The following FSTL5 variants were observed in gnomAD, a reference collection of about 807,000 sequenced individuals.
FSTL5 encodes follistatin like 5, also known as follistatin-related protein 5.
A neutral mutation model predicts 89.1 loss-of-function variants in FSTL5; 62 were observed. The ratio of observed to expected loss-of-function variants is 0.70; its 90% CI spans 0.57 to 0.86. FSTL5 has a LOEUF of 0.86. Among genes scored for constraint, FSTL5 ranks in the 40% least tolerant of loss-of-function variants. The pLI, the probability that FSTL5 is intolerant of heterozygous loss-of-function variation, is 0.00. For missense variants in FSTL5, 1,057 were observed against 1,001.6 expected (o/e 1.06, Z -0.75); for synonymous variants, 383 against 346.2 (o/e 1.11, Z -1.18).
At chr4:162,050,489 C>A (rs193302360) in intron 2 of FSTL5, among the ~76,000 whole-genome samples, 70 of 149,728 alleles carry the variant, frequency 4.7e-4, no homozygotes, top group Non-Finnish European at 3.1e-4. Flanking sequence ...TGAACTATTT[C>A]TATTTAAATA....
chr4:161,766,111 T>A (rs554603096), intron 5 of FSTL5, among the ~76,000 whole-genome samples: 1 of 152,306 alleles, frequency 6.6e-6, no homozygotes, highest in African/African-American at 2.4e-5. Flanking sequence ...GCATTTTTAA[T>A]GTAAATCAGT....
intron 7 of FSTL5, among the ~76,000 whole-genome samples, chr4:161,643,056 A>T (rs1487788281): frequency 6.6e-6 from 1 of 152,192 alleles, no homozygotes; most frequent in African/African-American, 2.4e-5. Flanking sequence ...TCTTGTTCTA[A>T]ATACATGAGT....
At chr4:161,921,145 A>T (rs930350419) in intron 3 of FSTL5, among the ~76,000 whole-genome samples, 2 of 152,160 alleles carry the variant, frequency 1.3e-5, no homozygotes, top group African/African-American at 4.8e-5. Context: ...CAGTAACAGA[A>T]TTGTAGATAG....
At chr4:161,503,579 C>T (rs1193292602) in intron 11 of FSTL5, among the ~76,000 whole-genome samples, 1 of 151,944 alleles carries the variant, frequency 6.6e-6, no homozygotes. Flanking sequence ...TACATTATAA[C>T]ATTTGCCTTG....
chr4:162,087,139 G>A (rs927093524), intron 2 of FSTL5, among the ~76,000 whole-genome samples: 42 of 152,116 alleles, frequency 2.8e-4, no homozygotes, highest in East Asian at 1.5e-3. Flanking sequence ...TCACCAACAC[G>A]ACTACCTTAT....
chr4:162,052,213 A>G (rs186002058), intron 2 of FSTL5, among the ~76,000 whole-genome samples: 2 of 151,688 alleles, frequency 1.3e-5, no homozygotes, highest in Non-Finnish European at 3.0e-5. Context: ...AAAACACAAA[A>G]TGCCAAAATA....
In FSTL5 at chr4:162,129,197, T is replaced by C. The variant is rs367694981; in HGVS notation, c.-16-17785A>G. On this transcript the variant is annotated intron_variant, in intron 1 of 15. Transcript: ENST00000306100. ...ATGCACCCGCCTTGGCCTTCCAAAG[T>C]GCTGGGATTACAGGTGTGAACGACG... Among the ~76,000 whole-genome samples, 405 of 152,328 alleles carry C rather than the reference T, an allele frequency of 2.7e-3. 2 individuals carry two copies. Among genetic ancestry groups the C allele is most frequent in the African/African-American group, 9.2e-3 (384 of 41,574 alleles).
At chr4:161,607,696 G>A (rs1418034352) in intron 7 of FSTL5, among the ~76,000 whole-genome samples, 1 of 152,122 alleles carries the variant, frequency 6.6e-6, no homozygotes, top group East Asian at 1.9e-4. Flanking sequence ...TTGAGAACCT[G>A]AATAAAGCAA....
chr4:161,501,668 T>C (rs892794979), intron 11 of FSTL5, among the ~76,000 whole-genome samples: 2 of 151,936 alleles, frequency 1.3e-5, no homozygotes, highest in South Asian at 2.1e-4. Context: ...CAGAGAGCAA[T>C]GCATAAAGAC....
intron 5 of FSTL5, among the ~76,000 whole-genome samples, chr4:161,773,852 A>G (rs2126802305): frequency 6.6e-6 from 1 of 152,328 alleles, no homozygotes; most frequent in East Asian, 1.9e-4. Flanking sequence ...TCTACCAAGA[A>G]GAAAACAAGT....
intron 2 of FSTL5, among the ~76,000 whole-genome samples, chr4:162,039,130 G>C (rs1389448006): frequency 6.6e-6 from 1 of 151,720 alleles, no homozygotes; most frequent in Non-Finnish European, 1.5e-5. Context: ...AATTGAGTTG[G>C]TCTCCTAAAG....
intron 1 of FSTL5, among the ~76,000 whole-genome samples, chr4:162,141,505 C>G (rs1485271345): frequency 1.3e-5 from 2 of 152,118 alleles, no homozygotes; most frequent in East Asian, 3.9e-4. Flanking sequence ...TTAGATAACT[C>G]CCAGAAGCAG....
At chr4:162,009,424 C>A (rs910353361) in intron 3 of FSTL5, among the ~76,000 whole-genome samples, 3 of 151,990 alleles carry the variant, frequency 2.0e-5, no homozygotes, top group African/African-American at 7.2e-5. Context: ...TGAAACATGG[C>A]AGTTCCATGA....
At chr4:161,423,572 T>TA (rs1026916580) in intron 15 of FSTL5, among the ~76,000 whole-genome samples, 131 of 152,282 alleles carry the variant, frequency 8.6e-4, no homozygotes, top group African/African-American at 3.1e-3. Context: ...TTTCTTTTTT[T>TA]AAAGTTAATT....
At chr4:161,761,312 T>C (rs1169814000) in intron 5 of FSTL5, among the ~76,000 whole-genome samples, 1 of 152,196 alleles carries the variant, frequency 6.6e-6, no homozygotes, top group Non-Finnish European at 1.5e-5. Context: ...CTCTCAGTCA[T>C]TCTCCATTTG....
chr4:161,595,413 G>A (rs1218660694), intron 7 of FSTL5, among the ~76,000 whole-genome samples: 3 of 151,972 alleles, frequency 2.0e-5, no homozygotes, highest in Non-Finnish European at 2.9e-5. Context: ...ATCTTTATGA[G>A]CCTCTACACC....
chr4:161,665,619 G>A (rs1022474559), intron 6 of FSTL5, among the ~76,000 whole-genome samples: 22 of 152,078 alleles, frequency 1.4e-4, no homozygotes, highest in African/African-American at 4.8e-4. Flanking sequence ...GATTTCATCA[G>A]CAAAAGTAGA....
chr4:161,827,264 G>T (rs1009624591), intron 4 of FSTL5, among the ~76,000 whole-genome samples: 1 of 152,206 alleles, frequency 6.6e-6, no homozygotes, highest in Non-Finnish European at 1.5e-5. Context: ...GCTTGGGAGT[G>T]GTTCTAGGGA....
intron 6 of FSTL5, among the ~76,000 whole-genome samples, chr4:161,719,202 A>G (rs1429572370): frequency 6.6e-6 from 1 of 152,102 alleles, no homozygotes; most frequent in East Asian, 1.9e-4. Context: ...ATTGATGACA[A>G]CATCCTTTCT....
Sources: allele counts gnomAD v4.1 joint callset (sites outside exome capture counted in the v4.1 genomes callset), GRCh38; gene constraint gnomAD v4.1.1; transcripts MANE v1.5; gene names NCBI Gene and HGNC (gene_info 2026-07-23, HGNC 2026-07-21).